Variants in RNFT2 observed in about 807,000 individuals in gnomAD.
RNFT2 encodes the protein ring finger protein, transmembrane 2, also known as E3 ubiquitin-protein ligase RNFT2.
A neutral mutation model predicts 53.0 loss-of-function variants in RNFT2; 36 were observed. The observed-to-expected ratio is 0.68, with a 90% CI of 0.52 to 0.90. RNFT2 has a LOEUF of 0.90. Ranked by LOEUF, RNFT2 falls within the 40% of genes least tolerant of loss-of-function variation. The pLI is 0.00. For synonymous variants in RNFT2, 260 were observed against 253.2 expected (o/e 1.03, Z -0.26); for missense variants, 514 against 585.6 (o/e 0.88, Z 1.26).
intron 7 of RNFT2, among the ~76,000 whole-genome samples, chr12:116,789,972 A>ATGGG (rs1555261856): frequency 9.3e-5 from 14 of 151,112 alleles, no homozygotes; most frequent in Middle Eastern, 6.4e-3. Flanking sequence ...GGATGGATGG[A>ATGGG]TGGATGGATG....
At chr12:116,787,100 T>G (rs1023021079) in intron 7 of RNFT2, among the ~76,000 whole-genome samples, 1 of 152,238 alleles carries the variant, frequency 6.6e-6, no homozygotes, top group Admixed American at 6.5e-5. Flanking sequence ...CACAGCTTCC[T>G]GGTATCCTTG....
At chr12:116,799,806 A>G (rs534074779) in intron 7 of RNFT2, among the ~76,000 whole-genome samples, 1 of 152,254 alleles carries the variant, frequency 6.6e-6, no homozygotes, top group East Asian at 1.9e-4. Context: ...AGTGATGAAA[A>G]TGATGGCCTG....
At chr12:116,843,195 T>C (rs1877439942) in intron 10 of RNFT2, among the ~76,000 whole-genome samples, 1 of 152,020 alleles carries the variant, frequency 6.6e-6, no homozygotes, top group African/African-American at 2.4e-5. Flanking sequence ...CAGGGGGCAG[T>C]TAACAATCCA....
intron 7 of RNFT2, among the ~76,000 whole-genome samples, chr12:116,780,509 G>A (rs539027821): frequency 2.0e-4 from 31 of 152,160 alleles, no homozygotes; most frequent in African/African-American, 7.2e-4. Context: ...CTCCTGCTGT[G>A]CGACCTGGTT....
chr12:116,796,950 C>G (rs960333243), intron 7 of RNFT2, among the ~76,000 whole-genome samples: 3 of 152,188 alleles, frequency 2.0e-5, no homozygotes, highest in African/African-American at 7.2e-5. Context: ...ATTTCTGGAT[C>G]ATTTTTAGTT....
At chr12:116,810,644 G>A (rs1875327509) in intron 7 of RNFT2, among the ~76,000 whole-genome samples, 1 of 152,172 alleles carries the variant, frequency 6.6e-6, no homozygotes, top group Admixed American at 6.5e-5. Context: ...CTGCTGTGGG[G>A]TGCTGGGGGA....
intron 5 of RNFT2, among the ~76,000 whole-genome samples, chr12:116,763,290 G>A (rs542765784): frequency 6.6e-6 from 1 of 152,040 alleles, no homozygotes; most frequent in African/African-American, 2.4e-5. Flanking sequence ...CATCACTACC[G>A]ATCAGGGAAA....
At chr12:116,797,955 C>T (rs57370760) in intron 7 of RNFT2, among the ~76,000 whole-genome samples, 9,211 of 152,178 alleles carry the variant, frequency 0.061, 965 homozygotes, top group African/African-American at 0.21. Flanking sequence ...ACATGGCATA[C>T]TGTTGGGCAT....
intron 9 of RNFT2, 78 bp downstream of exon 9, chr12:116,836,103 C>G: frequency 1.3e-6 from 2 of 1,598,376 alleles, no homozygotes. Flanking sequence ...TTCCTCAGCC[C>G]ACAGATCTCA....
In RNFT2 at chr12:116,832,148, AATATAT is replaced by A. The variant is rs1555209703; in HGVS notation, c.883-1627_883-1622del. On this transcript the variant is annotated intron_variant, in intron 7 of 10. Coordinates refer to ENST00000257575, the MANE Select transcript of RNFT2 (RefSeq NM_001382266.1). ...CTTGTCTCAAAAAAAAAAAAAAAAA[AATATAT>A]ATATATATATATATATCTTTCTATC... Among the ~76,000 whole-genome samples the A allele has an allele frequency of 1.3e-4, 7 of 55,172 alleles. 1 individual carries two copies. Among genetic ancestry groups the A allele is most frequent in the African/African-American group, 4.2e-4 (6 of 14,282 alleles). 36.2% of individuals were successfully genotyped at this position (55,172 alleles called of 152,430 possible).
At chr12:116,834,339 G>A (rs1051363076) in intron 8 of RNFT2, among the ~76,000 whole-genome samples, 7 of 151,978 alleles carry the variant, frequency 4.6e-5, no homozygotes, top group South Asian at 2.1e-4. Context: ...GGCTGGTTTT[G>A]AACTCCTGAC....
intron 6 of RNFT2, among the ~76,000 whole-genome samples, chr12:116,767,668 C>T (rs914968511): frequency 1.4e-4 from 22 of 152,076 alleles, no homozygotes; most frequent in African/African-American, 5.3e-4. Flanking sequence ...CAATCTCCGC[C>T]TCCCAGGTTC....
chr12:116,767,059 A>G lies in RNFT2; in HGVS notation c.728+145A>G, dbSNP rs879203801. ...TCCACCCTGCTGTTACTACTTATAT[A>G]TATCTAGACCAGCACTCAATAGTAG... On this transcript the variant is annotated intron_variant, in intron 6 of 10. Transcript: ENST00000257575. The G allele has an allele frequency of 2.0e-5, 12 of 595,234 alleles. No individual in the cohort carries two copies. The South Asian group carries it at 2.6e-4, about 13-fold the overall frequency. The allele number at this position is 595,234 out of a possible 1,614,324, so 36.9% of individuals were successfully genotyped here.
chr12:116,852,494 C>G lies in RNFT2; in HGVS notation c.*3046C>G. Reference sequence around the variant, plus strand: ...TGGCGATGGCCATGATGTTACAATCCCACTTGCCTGAATAATCAAGTGGGA... The same window carrying G: ...TGGCGATGGCCATGATGTTACAATCGCACTTGCCTGAATAATCAAGTGGGA... On this transcript the variant is annotated 3_prime_UTR_variant, in exon 11 of 11. Transcript: ENST00000257575. 6.7e-7 allele frequency: 1 copy of G among 1,499,484 alleles called. No homozygotes were observed. The highest frequency in any genetic ancestry group is 8.9e-7 in the Non-Finnish European group (1 of 1,124,030). The allele number at this position is 1,499,484 out of a possible 1,614,324, so 92.9% of individuals were successfully genotyped here. A position where few individuals can be genotyped will look rare whatever the true frequency, so the allele number is the denominator to read the frequency against.
At chr12:116,745,305 G>A (rs1443059217) in intron 3 of RNFT2, among the ~76,000 whole-genome samples, 1 of 151,782 alleles carries the variant, frequency 6.6e-6, no homozygotes, top group East Asian at 1.9e-4. Context: ...CTCCTGAGTA[G>A]CTAGGATTAT....
intron 5 of RNFT2, among the ~76,000 whole-genome samples, chr12:116,764,849 G>A (rs763723292): frequency 3.7e-4 from 57 of 152,170 alleles, no homozygotes; most frequent in African/African-American, 1.2e-3. Context: ...CTGAGATTGC[G>A]CCACTACACT....
intron 7 of RNFT2, among the ~76,000 whole-genome samples, chr12:116,821,122 G>A (rs1875995492): frequency 1.3e-5 from 2 of 152,222 alleles, no homozygotes; most frequent in East Asian, 1.9e-4. Flanking sequence ...TTCTCACCTG[G>A]ACTCTGCCTC....
At chr12:116,772,190 C>T (rs1188218136) in intron 6 of RNFT2, among the ~76,000 whole-genome samples, 1 of 152,236 alleles carries the variant, frequency 6.6e-6, no homozygotes, top group African/African-American at 2.4e-5. Flanking sequence ...CTTCTGGGCT[C>T]AAGCGATCCT....
chr12:116,806,367 CAAAAA>C (rs139305837), intron 7 of RNFT2, among the ~76,000 whole-genome samples: 61,874 of 113,096 alleles, frequency 0.55, 19,271 homozygotes, highest in Non-Finnish European at 0.69. Context: ...GAGACTGTCT[CAAAAA>C]AAAAAAAAAA....
Sources: allele counts gnomAD v4.1 joint callset (sites outside exome capture counted in the v4.1 genomes callset), GRCh38; gene constraint gnomAD v4.1.1; transcripts MANE v1.5; gene names NCBI Gene and HGNC (gene_info 2026-07-23, HGNC 2026-07-21).